Variants in TMEM132D observed in about 807,000 individuals in gnomAD.
TMEM132D encodes mature OL transmembrane protein.
In TMEM132D, 21 loss-of-function variants were observed where a neutral mutation model predicts 62.3. The observed-to-expected ratio is 0.34, with a 90% CI of 0.24 to 0.49. TMEM132D has a LOEUF of 0.49. Among genes scored for constraint, TMEM132D ranks in the 20% least tolerant of loss-of-function variants. The pLI is 0.99. For synonymous variants in TMEM132D, 621 were observed against 575.6 expected (o/e 1.08, Z -1.13); for missense variants, 1,346 against 1,402.8 (o/e 0.96, Z 0.65).
At chr12:129,463,036 T>C (rs1303031778) in intron 3 of TMEM132D, among the ~76,000 whole-genome samples, 1 of 152,144 alleles carries the variant, frequency 6.6e-6, no homozygotes, top group African/African-American at 2.4e-5. Flanking sequence ...AAGAATCTGA[T>C]CCAAGGGACA....
At chr12:129,775,329 A>C (rs367761618) in intron 1 of TMEM132D, among the ~76,000 whole-genome samples, 24 of 152,216 alleles carry the variant, frequency 1.6e-4, no homozygotes, top group East Asian at 9.7e-4. Flanking sequence ...GCGGAATGCC[A>C]CCCCAGCTGC....
chr12:129,513,931 G>A lies in TMEM132D; in HGVS notation c.1115+17128C>T, dbSNP rs547890791. On this transcript the variant is annotated intron_variant, in intron 3 of 8. Coordinates refer to ENST00000422113, the MANE Select transcript of TMEM132D (RefSeq NM_133448.3). ...CGGCTGACTGCAAGCTCCGCCTCCC[G>A]GGTTTGTGCCATTCTCCTGCCTCAG... 6.8e-4 allele frequency among the ~76,000 whole-genome samples: 103 copies of A among 150,764 alleles called. 1 individual carries two copies. In the Middle Eastern group the frequency reaches 0.021, roughly 31 times the overall value.
At chr12:129,465,617 T>C (rs181873765) in intron 3 of TMEM132D, among the ~76,000 whole-genome samples, 275 of 152,328 alleles carry the variant, frequency 1.8e-3, no homozygotes, top group Middle Eastern at 3.4e-3. Context: ...ACAAAGTCAA[T>C]GTACAAAAAT....
chr12:129,179,148 A>T (rs1036516203), intron 5 of TMEM132D, among the ~76,000 whole-genome samples: 2 of 152,158 alleles, frequency 1.3e-5, no homozygotes, highest in African/African-American at 4.8e-5. Flanking sequence ...CAGAAACGGG[A>T]TGTTCAAAGT....
intron 4 of TMEM132D, among the ~76,000 whole-genome samples, chr12:129,246,778 A>G (rs1880130806): frequency 6.7e-6 from 1 of 149,656 alleles, no homozygotes; most frequent in South Asian, 2.1e-4. Context: ...AAAAAAAAAA[A>G]AGATAGAAAG....
At chr12:129,577,283 C>T (rs1055441813) in intron 2 of TMEM132D, among the ~76,000 whole-genome samples, 2 of 151,636 alleles carry the variant, frequency 1.3e-5, no homozygotes, top group Non-Finnish European at 2.9e-5. Flanking sequence ...CAGGAGGCAC[C>T]CACAAAATTA....
intron 4 of TMEM132D, among the ~76,000 whole-genome samples, chr12:129,212,869 G>T (rs2135568919): frequency 6.6e-6 from 1 of 152,274 alleles, no homozygotes; most frequent in East Asian, 1.9e-4. Context: ...TGAGGCTTCA[G>T]ATATTTTTCC....
rs560450224 is a variant in TMEM132D at position 129,077,731 on chromosome 12, CATGCA to C, written c.2115+798_2115+802del. Among the ~76,000 whole-genome samples the C allele has an allele frequency of 7.2e-5, 11 of 152,140 alleles. No homozygotes were observed. In the South Asian group the frequency reaches 2.3e-3, roughly 32 times the overall value. On this transcript the variant is annotated intron_variant, in intron 8 of 8. Coordinates refer to ENST00000422113, the MANE Select transcript of TMEM132D (RefSeq NM_133448.3). ...CACACATACAAACAACAAATAGACA[CATGCA>C]ATGCATACATACAACACACGATACA...
At chr12:129,886,610 A>C (rs1874756231) in intron 1 of TMEM132D, among the ~76,000 whole-genome samples, 1 of 152,202 alleles carries the variant, frequency 6.6e-6, no homozygotes, top group Non-Finnish European at 1.5e-5. Flanking sequence ...ACTAAAGGTA[A>C]ATAACTTGGT....
intron 2 of TMEM132D, among the ~76,000 whole-genome samples, chr12:129,672,021 C>T (rs531369894): frequency 2.0e-5 from 3 of 152,260 alleles, no homozygotes; most frequent in East Asian, 1.9e-4. Flanking sequence ...AATTCTGCCT[C>T]GTGGTAATGA....
chr12:129,403,231 C>T (rs183653017), intron 3 of TMEM132D, among the ~76,000 whole-genome samples: 1 of 149,414 alleles, frequency 6.7e-6, no homozygotes, highest in Admixed American at 6.8e-5. Flanking sequence ...GACTTGTCAG[C>T]GAAGGTGATT....
chr12:129,503,342 G>T (rs1035354689), intron 3 of TMEM132D, among the ~76,000 whole-genome samples: 1 of 152,178 alleles, frequency 6.6e-6, no homozygotes, highest in Non-Finnish European at 1.5e-5. Flanking sequence ...ATTATGGATA[G>T]AGTATTCTGA....
intron 1 of TMEM132D, among the ~76,000 whole-genome samples, chr12:129,838,090 G>A (rs963484736): frequency 5.9e-5 from 9 of 152,062 alleles, no homozygotes; most frequent in African/African-American, 9.7e-5. Flanking sequence ...ATCATTCAAC[G>A]TGCTTTTCAG....
At chr12:129,523,990 T>C (rs1875933378) in intron 3 of TMEM132D, among the ~76,000 whole-genome samples, 1 of 152,164 alleles carries the variant, frequency 6.6e-6, no homozygotes, top group African/African-American at 2.4e-5. Flanking sequence ...CTTTGCATAC[T>C]TCACCTGAAC....
chr12:129,819,273 T>C (rs1057311078), intron 1 of TMEM132D, among the ~76,000 whole-genome samples: 6 of 152,124 alleles, frequency 3.9e-5, no homozygotes, highest in Non-Finnish European at 7.4e-5. Context: ...ATTTGATGAA[T>C]GGATTCATGA....
intron 4 of TMEM132D, among the ~76,000 whole-genome samples, chr12:129,248,642 AT>A (rs1326122356): frequency 3.3e-5 from 5 of 152,062 alleles, no homozygotes; most frequent in Admixed American, 3.3e-4. Flanking sequence ...TGTTGTACAG[AT>A]TATTTCATCA....
At chr12:129,640,291 A>G (rs1236902183) in intron 2 of TMEM132D, among the ~76,000 whole-genome samples, 1 of 151,886 alleles carries the variant, frequency 6.6e-6, no homozygotes, top group Non-Finnish European at 1.5e-5. Flanking sequence ...AAAAAGCCAC[A>G]GACACAACAT....
chr12:129,358,243 G>A (rs1870136928), intron 3 of TMEM132D, among the ~76,000 whole-genome samples: 1 of 151,954 alleles, frequency 6.6e-6, no homozygotes, highest in South Asian at 2.1e-4. Flanking sequence ...TTCATTGCTC[G>A]GTTTTCCTTT....
At position 129,094,989 on chromosome 12, in the gene TMEM132D, A is replaced by G. The variant is rs200738405; in HGVS notation, c.1444-10287T>C. On this transcript the variant is annotated intron_variant, in intron 5 of 8. Coordinates refer to ENST00000422113, the MANE Select transcript of TMEM132D (RefSeq NM_133448.3). ...TAGGTGGGAATTGAACAATGAGAAC[A>G]CATGGACACAGGAAGGGGAACATCA... 1.3e-4 allele frequency among the ~76,000 whole-genome samples: 19 copies of G among 146,040 alleles called. No homozygotes were observed. In the East Asian group the frequency reaches 3.9e-3, roughly 30 times the overall value.
Sources: allele counts gnomAD v4.1 joint callset (sites outside exome capture counted in the v4.1 genomes callset), GRCh38; gene constraint gnomAD v4.1.1; transcripts MANE v1.5; gene names NCBI Gene and HGNC (gene_info 2026-07-23, HGNC 2026-07-21).